The following HERC1 variants were observed in gnomAD, a reference collection of about 807,000 sequenced individuals.
HERC1 encodes the protein HECT and RLD domain containing E3 ubiquitin protein ligase family member 1.
Under a neutral mutation model 554.3 loss-of-function variants are expected in HERC1, and 160 were observed. The ratio of observed to expected loss-of-function variants is 0.29; its 90% confidence interval spans 0.25 to 0.33. The LOEUF is 0.33. HERC1 is among the 10% of genes least tolerant of loss of function. The probability of loss-of-function intolerance (pLI) is 1.00; values close to 1 mark genes in which losing one functional copy is unlikely to be tolerated. For missense variants in HERC1, 4,919 were observed against 5,918.5 expected, an observed-to-expected ratio of 0.83 and a Z score of 5.54; for synonymous variants, 2,175 against 2,131.7, an observed-to-expected ratio of 1.02 and a Z score of -0.56.
At position 63,755,302 on chromosome 15, in the gene HERC1, T is replaced by C; in HGVS notation, c.1557A>G (p.Gly519=). The change falls in exon 6 of 78, where the codon GGA becomes GGG. Residue 519 remains glycine, a synonymous_variant. Coordinates refer to ENST00000443617, the MANE Select transcript of HERC1 (RefSeq NM_003922.4). ...QGKVVVCVSA[G]YRHSAAVTED... is the part of the protein sequence containing the mutation. The stretch of plus-strand genomic sequence containing the variant: ...CTGTGACAGCAGCACTATGTCTGTA[T>C]CCAGCTGACACACAAACAACTACCT... The C allele has an allele frequency of 1.2e-6, 2 of 1,613,776 alleles. No individual in the cohort carries two copies. Among genetic ancestry groups the C allele is most frequent in the Non-Finnish European group, 1.7e-6 (2 of 1,179,700 alleles).
chr15:63,708,593 C>CTGTT (rs2073135985), intron 24 of HERC1, among the ~76,000 whole-genome samples: 1 of 152,164 alleles, frequency 6.6e-6, no homozygotes, highest in African/African-American at 2.4e-5. Context: ...TTGGTATTCT[C>CTGTT]TGTTTTAGCA....
intron 40 of HERC1, 57 bp downstream of exon 40, chr15:63,669,481 G>C: frequency 4.6e-6 from 7 of 1,523,746 alleles, no homozygotes; most frequent in Non-Finnish European, 6.3e-6. Flanking sequence ...ACATAATAAA[G>C]TCCCACACAT....
At chr15:63,730,651 T>C (rs1454527552) in intron 14 of HERC1, among the ~76,000 whole-genome samples, 3 of 152,218 alleles carry the variant, frequency 2.0e-5, no homozygotes, top group Non-Finnish European at 2.9e-5. Context: ...GTGAATTCAA[T>C]AATTATTCTC....
Position 63,666,022 on chromosome 15 carries a change from C to G in HERC1, c.8452G>C (p.Val2818Leu), listed in dbSNP as rs565203493. The change falls in exon 42 of 78, where the codon GTT (valine) becomes CTT (leucine). Residue 2818 changes from valine (V) to leucine (L), a missense_variant. Physicochemically the swap from Val to Leu is conservative, Grantham distance 32. Transcript: ENST00000443617. ...TTTGACTTCCCGCCACTGCCTAGAA[C>G]GGCTGCTCCAGGCCTAGAGTCTGCT... is the stretch of plus-strand genomic sequence containing the variant. The part of the protein sequence containing the change: ...STADSRPGAA[V>L]LGSGGKSNDP... 6.2e-7 allele frequency: 1 copy of G among 1,613,898 alleles called. No individual in the cohort carries two copies. Among genetic ancestry groups the G allele is most frequent in the African/African-American group, 1.3e-5 (1 of 74,934 alleles).
rs189782928 is a variant in HERC1, at chr15:63,674,382, A to C, written c.7806T>G (p.His2602Gln). The stretch of plus-strand genomic sequence containing the variant: ...CCCCAAACTGGTCTTCCAAAAGCCC[A>C]TGAACCACTAATTTATAGATCATGG... ...AQAMIYKLVVHGLLEDQFGGK... is the reference protein window; with the variant it reads ...AQAMIYKLVVQGLLEDQFGGK... Residue 2602 changes from histidine to glutamine, a missense_variant, in exon 38 of 78, where the codon CAT becomes CAG. Physicochemically the swap from His to Gln is conservative, Grantham distance 24. Transcript: ENST00000443617. 9.3e-6 allele frequency: 15 copies of C among 1,613,030 alleles called. No homozygotes were observed. The highest frequency in any genetic ancestry group is 1.3e-5 in the African/African-American group (1 of 74,754).
Position 63,729,560 on chromosome 15 carries a change from A to G in HERC1, c.2958T>C (p.His986=). 4 of 1,613,926 alleles carry G rather than the reference A, an allele frequency of 2.5e-6. No individual in the cohort carries two copies. Among genetic ancestry groups the G allele is most frequent in the Non-Finnish European group, 3.4e-6 (4 of 1,179,816 alleles). Residue 986 remains histidine, a synonymous_variant, in exon 15 of 78, where the codon CAT becomes CAC. Coordinates refer to ENST00000443617, the MANE Select transcript of HERC1 (RefSeq NM_003922.4). ...SSENSQPAHL[H]ELLCSLQKQL... is the part of the protein sequence containing the mutation. ...GTTTCTGTAGTGAACATAGCAGTTC[A>G]TGAAGATGAGCAGGCTGACTGTTTT...
Position 63,733,107 on chromosome 15 carries a change from A to C in HERC1, c.2685T>G (p.Asp895Glu). The change falls in exon 14 of 78, where the codon GAT becomes GAG. Residue 895 changes from aspartate (D) to glutamate (E), a missense_variant. Asp to Glu is a conservative substitution (Grantham distance 45). Transcript: ENST00000443617. The part of the protein sequence containing the change: ...QLDIILTSLQ[D>E]HTHVASLLGY... ...CAAGTAGGGAGGCTACGTGGGTATG[A>C]TCTTGCAAACTTGTCAGGATGATAT... 6.2e-7 allele frequency: 1 copy of C among 1,613,888 alleles called. No individual in the cohort carries two copies. The highest frequency in any genetic ancestry group is 8.5e-7 in the Non-Finnish European group (1 of 1,179,784).
intron 51 of HERC1, among the ~76,000 whole-genome samples, chr15:63,653,418 G>C (rs901607552): frequency 1.2e-4 from 18 of 152,154 alleles, no homozygotes; most frequent in African/African-American, 4.3e-4. Flanking sequence ...ACTTCAGTCT[G>C]GGTGAGACTC....
chr15:63,696,013 A>C (rs527277056), intron 27 of HERC1, 111 bp downstream of exon 27: 12 of 759,988 alleles, frequency 1.6e-5, no homozygotes, highest in Non-Finnish European at 2.6e-5. Context: ...TAAAAAATTT[A>C]AAGTCTTTGT....
At chr15:63,629,293 C>T (rs1341732124) in intron 69 of HERC1, among the ~76,000 whole-genome samples, 2 of 152,142 alleles carry the variant, frequency 1.3e-5, no homozygotes, top group Non-Finnish European at 2.9e-5. Flanking sequence ...CATAACAGTC[C>T]TCACAGCTCC....
intron 43 of HERC1, among the ~76,000 whole-genome samples, chr15:63,663,599 C>CACAT (rs1455960833): frequency 6.6e-6 from 1 of 152,180 alleles, no homozygotes; most frequent in East Asian, 1.9e-4. Flanking sequence ...GGACTACAGG[C>CACAT]ACATGCCACC....
chr15:63,657,724 CTA>C (rs930215966), intron 48 of HERC1, among the ~76,000 whole-genome samples: 3 of 152,102 alleles, frequency 2.0e-5, no homozygotes, highest in African/African-American at 4.8e-5. Flanking sequence ...AGCAATTCTT[CTA>C]TGTTACCTTC....
rs977672583 is a variant in HERC1 at position 63,680,937 on chromosome 15, C to A, written c.6226-161G>T. On this transcript the variant is annotated intron_variant, in intron 34 of 77. Transcript: ENST00000443617. This position sits in a 1 kb window ranked among gnomAD's most constrained non-coding sequence, Gnocchi z 5.8. Reference sequence around the variant, plus strand: ...AAAAATAACACGAAAATAATCGCATCAATTTAGAAAGATTTTAAAACATTC... The same window carrying A: ...AAAAATAACACGAAAATAATCGCATAAATTTAGAAAGATTTTAAAACATTC... Among the ~76,000 whole-genome samples, 3 of 152,222 alleles carry A rather than the reference C, an allele frequency of 2.0e-5. No homozygotes were observed. In the South Asian group the frequency reaches 6.2e-4, roughly 32 times the overall value.
chr15:63,714,189 G>T (rs925656747), intron 22 of HERC1, among the ~76,000 whole-genome samples: 2 of 151,738 alleles, frequency 1.3e-5, no homozygotes, highest in African/African-American at 2.4e-5. Context: ...AAAAATGTGA[G>T]GTTTCAAAAG....
chr15:63,824,224 T>C (rs540702045), intron 1 of HERC1, among the ~76,000 whole-genome samples: 1 of 152,142 alleles, frequency 6.6e-6, no homozygotes, highest in Admixed American at 6.5e-5. Context: ...TGGAAAACAG[T>C]ATGTAGGTTT....
intron 57 of HERC1, among the ~76,000 whole-genome samples, chr15:63,644,571 C>T (rs1031865049): frequency 2.0e-5 from 3 of 151,974 alleles, no homozygotes; most frequent in African/African-American, 7.3e-5. Flanking sequence ...TTATGTTACT[C>T]GCCTAGAGGG....
rs1194157260 is a variant in HERC1, at chr15:63,622,911, A to G, written c.13612-20T>C. On this transcript the variant is annotated intron_variant, in intron 73 of 77. Transcript: ENST00000443617. ...AAGTTCCTGCAGAAGAAAGAAAAAA[A>G]TTTTTTGAGAAATGACAATCAAATG... is the stretch of plus-strand genomic sequence containing the variant. The G allele has an allele frequency of 1.9e-6, 3 of 1,542,036 alleles. No individual in the cohort carries two copies. Among genetic ancestry groups the G allele is most frequent in the African/African-American group, 1.4e-5 (1 of 72,200 alleles).
At chr15:63,764,270 A>G (rs2075703250) in intron 2 of HERC1, 79 bp from the exon 3 acceptor site, 9 of 904,282 alleles carry the variant, frequency 1.0e-5, no homozygotes, top group Non-Finnish European at 1.6e-5. Context: ...AGTCTACAAA[A>G]ACAACACCTA....
At chr15:63,730,721 ACTTAGCGGCAGCCAGCCAT>A (rs1286026066) in intron 14 of HERC1, among the ~76,000 whole-genome samples, 1 of 152,232 alleles carries the variant, frequency 6.6e-6, no homozygotes, top group Non-Finnish European at 1.5e-5. Context: ...ATGCTTAAAT[ACTTAGCGGCAGCCAGCCAT>A]CTGCAATTTA....
Sources: gnomAD v4.1 joint callset for allele counts (sites outside exome capture counted in the v4.1 genomes callset) on GRCh38, gnomAD v4.1.1 for gene constraint, Gnocchi (gnomAD v3.1) non-coding constraint, MANE v1.5 for transcripts, NCBI Gene and HGNC (gene_info 2026-07-23, HGNC 2026-07-21) for gene names.